ZBTB16: variants seen among roughly 807,000 people sequenced by gnomAD.
The protein encoded by ZBTB16 is zinc finger and BTB domain-containing protein 16.
In ZBTB16, 8 loss-of-function variants were observed where a neutral mutation model predicts 56.8. The observed-to-expected ratio is 0.14, with a 90% CI of 0.08 to 0.25. ZBTB16 has a LOEUF of 0.25. ZBTB16 is among the 10% of genes least tolerant of loss of function. The pLI is 1.00. For missense variants in ZBTB16, 625 were observed against 903.0 expected (o/e 0.69, Z 3.95); for synonymous variants, 363 against 368.5 (o/e 0.98, Z 0.17).
intron 2 of ZBTB16, among the ~76,000 whole-genome samples, chr11:114,082,930 G>A (rs1939820924): frequency 6.6e-6 from 1 of 152,216 alleles, no homozygotes; most frequent in Non-Finnish European, 1.5e-5. Context: ...AGTCTCGGCT[G>A]TGGTCGTAGC....
chr11:114,175,295 A>G (rs922861182), intron 3 of ZBTB16, among the ~76,000 whole-genome samples: 2 of 152,176 alleles, frequency 1.3e-5, no homozygotes, highest in South Asian at 2.1e-4. Context: ...AGGAGTCACA[A>G]TGCTGCTGCT....
intron 4 of ZBTB16, among the ~76,000 whole-genome samples, chr11:114,200,571 A>T (rs1486413874): frequency 6.6e-6 from 1 of 152,216 alleles, no homozygotes; most frequent in African/African-American, 2.4e-5. Context: ...AATATGACTC[A>T]TCCAGTGGCA....
chr11:114,241,908 C>T (rs984873862), intron 4 of ZBTB16, among the ~76,000 whole-genome samples: 3 of 152,164 alleles, frequency 2.0e-5, no homozygotes, highest in Admixed American at 6.5e-5. Context: ...TGCCCACTAC[C>T]CTTGCTGCTG....
intron 4 of ZBTB16, among the ~76,000 whole-genome samples, chr11:114,234,941 G>A (rs387977): frequency 0.59 from 89,581 of 152,040 alleles, 28,107 homozygotes; most frequent in South Asian, 0.73. Context: ...GATGGTTTGA[G>A]TGTGTGGTCA....
intron 2 of ZBTB16, among the ~76,000 whole-genome samples, chr11:114,129,467 A>G (rs569166768): frequency 2.6e-5 from 4 of 152,292 alleles, no homozygotes; most frequent in South Asian, 4.1e-4. Flanking sequence ...TGAAATGCCC[A>G]TTTGCTTCCT....
intron 4 of ZBTB16, among the ~76,000 whole-genome samples, chr11:114,227,407 C>G (rs985729983): frequency 2.0e-5 from 3 of 152,226 alleles, no homozygotes; most frequent in South Asian, 2.1e-4. Flanking sequence ...GCCTATCCCC[C>G]CTCATGTTAC....
chr11:114,251,734 C>T lies in ZBTB16; in HGVS notation c.*1179C>T, dbSNP rs929363930. The stretch of plus-strand genomic sequence containing the variant: ...TTCCTGACTCACAGCGCCCCTCGGT[C>T]CACAGTGGAGAGGAGGAGGAGGAGG... On this transcript the variant is annotated 3_prime_UTR_variant, in exon 7 of 7. Transcript: ENST00000335953. 6.6e-6 allele frequency among the ~76,000 whole-genome samples: 1 copy of T among 152,100 alleles called. No individual in the cohort carries two copies. Among genetic ancestry groups the T allele is most frequent in the African/African-American group, 2.4e-5 (1 of 41,396 alleles).
intron 3 of ZBTB16, among the ~76,000 whole-genome samples, chr11:114,177,659 C>G (rs1361472526): frequency 6.6e-6 from 1 of 152,086 alleles, no homozygotes; most frequent in Admixed American, 6.6e-5. Context: ...ACTGACATTC[C>G]TGTAGTAAGA....
Position 114,064,641 on chromosome 11 carries a change from C to G in ZBTB16, c.1268+73C>G. Reference sequence around the variant, plus strand: ...ACACCCCTCCTTCACACCCTGGCTGCTCCCAAGTTAGGGGCCTGGCTCCCC... The same window carrying G: ...ACACCCCTCCTTCACACCCTGGCTGGTCCCAAGTTAGGGGCCTGGCTCCCC... On this transcript the variant is annotated intron_variant, in intron 2 of 6. Coordinates refer to ENST00000335953, the MANE Select transcript of ZBTB16 (RefSeq NM_006006.6). The surrounding 1 kb of genome is among the most constrained non-coding windows in gnomAD (Gnocchi z 4.2). The G allele has an allele frequency of 6.4e-7, 1 of 1,567,274 alleles. No homozygotes were observed. The highest frequency in any genetic ancestry group is 8.7e-7 in the Non-Finnish European group (1 of 1,153,206).
At chr11:114,150,894 GGC>G (rs2134938056) in intron 2 of ZBTB16, among the ~76,000 whole-genome samples, 2 of 152,308 alleles carry the variant, frequency 1.3e-5, no homozygotes, top group African/African-American at 4.8e-5. Context: ...CCCCACATGG[GGC>G]CCAAGGCTGC....
At chr11:114,142,188 T>C (rs1941967931) in intron 2 of ZBTB16, among the ~76,000 whole-genome samples, 1 of 152,200 alleles carries the variant, frequency 6.6e-6, no homozygotes, top group Admixed American at 6.5e-5. Flanking sequence ...GGCAGGTTCT[T>C]GTGGCAGCGG....
At chr11:114,208,174 G>A (rs1270500513) in intron 4 of ZBTB16, among the ~76,000 whole-genome samples, 1 of 152,176 alleles carries the variant, frequency 6.6e-6, no homozygotes, top group Non-Finnish European at 1.5e-5. Context: ...TAGCTATCTT[G>A]CCACTGCACG....
At chr11:114,232,874 G>C (rs914996377) in intron 4 of ZBTB16, among the ~76,000 whole-genome samples, 17 of 152,102 alleles carry the variant, frequency 1.1e-4, no homozygotes, top group Non-Finnish European at 2.9e-5. Flanking sequence ...TGATTTATAC[G>C]GGCAGGCGTC....
intron 2 of ZBTB16, among the ~76,000 whole-genome samples, chr11:114,142,409 A>G (rs79611473): frequency 6.6e-6 from 1 of 152,348 alleles, no homozygotes. Flanking sequence ...ATATGACTAT[A>G]GCTCTAACTG....
At chr11:114,249,053 A>G (rs1198796157) in intron 6 of ZBTB16, among the ~76,000 whole-genome samples, 2 of 152,176 alleles carry the variant, frequency 1.3e-5, no homozygotes, top group Non-Finnish European at 2.9e-5. Flanking sequence ...GTTGGGGTAT[A>G]GAACGCTAGG....
chr11:114,246,311 AC>A (rs1336965948), intron 5 of ZBTB16, among the ~76,000 whole-genome samples: 1 of 151,902 alleles, frequency 6.6e-6, no homozygotes, highest in Non-Finnish European at 1.5e-5. Flanking sequence ...TGGTACCCTG[AC>A]TCTAGAGCCA....
In ZBTB16 at chr11:114,255,468, C is replaced by G. The variant is rs1944985233; in HGVS notation, c.*4913C>G. 6.7e-6 allele frequency among the ~76,000 whole-genome samples: 1 copy of G among 149,802 alleles called. No homozygotes were observed. ...ACCCTTGCCCTCTCCATCTCCCTCT[C>G]CCGCCCTCCCCTCCTCCCTCTGGCT... On this transcript the variant is annotated 3_prime_UTR_variant, in exon 7 of 7. Transcript: ENST00000335953.
intron 4 of ZBTB16, among the ~76,000 whole-genome samples, chr11:114,228,417 T>G (rs1428611541): frequency 6.6e-6 from 1 of 152,200 alleles, no homozygotes; most frequent in African/African-American, 2.4e-5. Flanking sequence ...TTGCTTATAT[T>G]CCTAATGGAA....
At chr11:114,122,829 C>T (rs1941381860) in intron 2 of ZBTB16, among the ~76,000 whole-genome samples, 2 of 152,182 alleles carry the variant, frequency 1.3e-5, no homozygotes, top group Non-Finnish European at 2.9e-5. Flanking sequence ...GATAGTTATC[C>T]ACTCTTGGCC....
Sources: gnomAD v4.1 joint callset for allele counts (sites outside exome capture counted in the v4.1 genomes callset) on GRCh38, gnomAD v4.1.1 for gene constraint, Gnocchi (gnomAD v3.1) non-coding constraint, MANE v1.5 for transcripts, NCBI Gene and HGNC (gene_info 2026-07-23, HGNC 2026-07-21) for gene names.